Variants in CPQ observed in about 807,000 individuals in gnomAD.
CPQ encodes the protein carboxypeptidase Q, also known as Ser-Met dipeptidase.
A neutral mutation model predicts 45.7 loss-of-function variants in CPQ; 37 were observed. The ratio of observed to expected loss-of-function variants is 0.81; its 90% CI spans 0.62 to 1.07. CPQ has a LOEUF of 1.07. Among genes scored for constraint, CPQ ranks in the 50% least tolerant of loss-of-function variants. The probability of loss-of-function intolerance (pLI) is 0.00; values close to 1 mark genes in which losing one functional copy is unlikely to be tolerated. For missense variants in CPQ, 537 were observed against 572.9 expected, an observed-to-expected ratio of 0.94 and a Z score of 0.64; for synonymous variants, 186 against 205.8, an observed-to-expected ratio of 0.90 and a Z score of 0.82.
chr8:96,953,047 T>C (rs1160700685), intron 4 of CPQ, among the ~76,000 whole-genome samples: 1 of 152,150 alleles, frequency 6.6e-6, no homozygotes, highest in East Asian at 1.9e-4. Context: ...CCTTAATCAT[T>C]AATTTTATTA....
chr8:97,121,702 T>A (rs903816903), intron 7 of CPQ, among the ~76,000 whole-genome samples: 1 of 151,994 alleles, frequency 6.6e-6, no homozygotes, highest in African/African-American at 2.4e-5. Flanking sequence ...GACCTAGAAA[T>A]GATAGTGATG....
intron 6 of CPQ, among the ~76,000 whole-genome samples, chr8:97,047,857 T>C (rs920232345): frequency 1.3e-5 from 2 of 152,216 alleles, no homozygotes; most frequent in African/African-American, 4.8e-5. Context: ...CCTAACATAC[T>C]ACTCTAGGAC....
chr8:96,722,020 A>G (rs1809770060), intron 1 of CPQ, among the ~76,000 whole-genome samples: 1 of 152,118 alleles, frequency 6.6e-6, no homozygotes, highest in Non-Finnish European at 1.5e-5. Context: ...TGTTTCATAC[A>G]CTACCCTGGT....
At chr8:97,019,957 A>G (rs1457527155) in intron 5 of CPQ, among the ~76,000 whole-genome samples, 2 of 152,210 alleles carry the variant, frequency 1.3e-5, no homozygotes, top group Non-Finnish European at 2.9e-5. Flanking sequence ...ACTTTCTCCA[A>G]GATAGACCAT....
chr8:96,969,037 ATGCT>A (rs1347909648), intron 5 of CPQ, among the ~76,000 whole-genome samples: 1 of 152,228 alleles, frequency 6.6e-6, no homozygotes, highest in Admixed American at 6.5e-5. Flanking sequence ...ATGCTCCAAA[ATGCT>A]CATTTGGCAC....
intron 3 of CPQ, among the ~76,000 whole-genome samples, chr8:96,857,013 T>TG (rs1255664056): frequency 6.6e-6 from 1 of 152,210 alleles, no homozygotes; most frequent in African/African-American, 2.4e-5. Context: ...TGATGTGACC[T>TG]GCTAGGGAAA....
chr8:97,123,250 TA>T (rs1434349757), intron 7 of CPQ, among the ~76,000 whole-genome samples: 2 of 135,700 alleles, frequency 1.5e-5, no homozygotes, highest in African/African-American at 5.4e-5. Context: ...TAAAATAAAA[TA>T]AAAATAAAAT....
intron 1 of CPQ, among the ~76,000 whole-genome samples, chr8:96,718,306 CA>C (rs770233318): frequency 7.2e-5 from 11 of 152,200 alleles, no homozygotes; most frequent in Admixed American, 2.0e-4. Flanking sequence ...GTGAGTGTTA[CA>C]GCTCTTAAGG....
At chr8:96,857,966 G>A (rs542996608) in intron 3 of CPQ, among the ~76,000 whole-genome samples, 2 of 152,312 alleles carry the variant, frequency 1.3e-5, no homozygotes, top group South Asian at 4.1e-4. Context: ...TTGCTGATAA[G>A]CACCATGATC....
intron 7 of CPQ, among the ~76,000 whole-genome samples, chr8:97,116,125 A>T (rs542646813): frequency 1.3e-5 from 2 of 152,324 alleles, no homozygotes; most frequent in South Asian, 4.1e-4. Context: ...TCAGAAAAGG[A>T]AATAGGAAAA....
At chr8:97,108,936 A>G (rs1586545211) in intron 7 of CPQ, among the ~76,000 whole-genome samples, 3 of 152,298 alleles carry the variant, frequency 2.0e-5, no homozygotes, top group South Asian at 2.1e-4. Context: ...AGTGACTCCA[A>G]CGTCCAACAC....
intron 4 of CPQ, among the ~76,000 whole-genome samples, chr8:96,881,383 A>G (rs1002391584): frequency 6.6e-6 from 1 of 152,118 alleles, no homozygotes; most frequent in Non-Finnish European, 1.5e-5. Flanking sequence ...GATGCCACAC[A>G]CTTTTAAACA....
In CPQ at chr8:97,112,411, A is replaced by C. The variant is rs899722701; in HGVS notation, c.1256-30609A>C. The stretch of plus-strand genomic sequence containing the variant: ...AGAAGAACTGACCCATAAGCTGATG[A>C]GAGTTACCCAGAAGTCAGCTGGAAG... On this transcript the variant is annotated intron_variant, in intron 7 of 7. Coordinates refer to ENST00000220763, the MANE Select transcript of CPQ (RefSeq NM_016134.4). Among the ~76,000 whole-genome samples, 3 of 152,190 alleles carry C rather than the reference A, an allele frequency of 2.0e-5. No individual in the cohort carries two copies. The South Asian group carries it at 6.2e-4, about 31-fold the overall frequency.
chr8:96,740,135 C>T (rs1391070004), intron 1 of CPQ, among the ~76,000 whole-genome samples: 2 of 151,860 alleles, frequency 1.3e-5, no homozygotes, highest in African/African-American at 2.4e-5. Flanking sequence ...TCTTTTATTT[C>T]CTTGAGCAGT....
At chr8:96,681,590 A>C (rs538483852) in intron 1 of CPQ, among the ~76,000 whole-genome samples, 4 of 152,330 alleles carry the variant, frequency 2.6e-5, no homozygotes, top group African/African-American at 9.6e-5. Flanking sequence ...GCAGTGTGGA[A>C]AAAAATGTGG....
chr8:97,126,493 C>G (rs760507618), intron 7 of CPQ, among the ~76,000 whole-genome samples: 6 of 152,042 alleles, frequency 3.9e-5, no homozygotes, highest in Non-Finnish European at 7.4e-5. Flanking sequence ...CATTTTTATT[C>G]TGATAACTTT....
At chr8:96,913,854 C>A (rs946946717) in intron 4 of CPQ, among the ~76,000 whole-genome samples, 3 of 152,156 alleles carry the variant, frequency 2.0e-5, no homozygotes, top group African/African-American at 7.2e-5. Context: ...CACATAATTA[C>A]CTTGAACACC....
chr8:96,767,635 CTTTTTTTT>C (rs1172189500), intron 1 of CPQ, among the ~76,000 whole-genome samples: 2 of 39,280 alleles, frequency 5.1e-5, no homozygotes, highest in African/African-American at 1.1e-4. Flanking sequence ...GTTACCTATG[CTTTTTTTT>C]TTTTTTTTTT....
At chr8:96,957,297 G>A (rs1813372642) in intron 4 of CPQ, among the ~76,000 whole-genome samples, 1 of 152,138 alleles carries the variant, frequency 6.6e-6, no homozygotes, top group East Asian at 1.9e-4. Flanking sequence ...AAACTGCACA[G>A]ACTATCATGG....
Sources: gnomAD v4.1 joint callset for allele counts (sites outside exome capture counted in the v4.1 genomes callset) on GRCh38, gnomAD v4.1.1 for gene constraint, MANE v1.5 for transcripts, NCBI Gene and HGNC (gene_info 2026-07-23, HGNC 2026-07-21) for gene names.